The following ORMDL3 variants were observed in gnomAD, a reference collection of about 807,000 sequenced individuals.
ORMDL3 encodes ORMDL sphingolipid biosynthesis regulator 3.
Under a neutral mutation model 12.6 loss-of-function variants are expected in ORMDL3, and 6 were observed. The observed-to-expected ratio is 0.48, with a 90% CI of 0.26 to 0.94. The LOEUF (loss-of-function observed/expected upper bound fraction) is 0.94, where lower values mean the gene tolerates loss of function less well. ORMDL3 is among the 40% of genes least tolerant of loss of function. The pLI is 0.14. For missense variants in ORMDL3, 159 were observed against 205.5 expected, an observed-to-expected ratio of 0.77 and a Z score of 1.38; for synonymous variants, 99 against 87.2, an observed-to-expected ratio of 1.14 and a Z score of -0.75.
At chr17:39,923,786 C>T (rs1598286208) in intron 2 of ORMDL3, among the ~76,000 whole-genome samples, 1 of 152,126 alleles carries the variant, frequency 6.6e-6, no homozygotes, top group Non-Finnish European at 1.5e-5. Flanking sequence ...ACAGCCACCC[C>T]ACCCTAGAGA....
At position 39,922,549 on chromosome 17, in the gene ORMDL3, C is replaced by T; in HGVS notation, c.*1G>A. On this transcript the variant is annotated 3_prime_UTR_variant, in exon 4 of 4. Transcript: ENST00000304046. ...CCTGGGCAGGGGAAGGGGCTGCACTCTCAGTACTTATTGATTCCAAAAATC... is the reference window on the plus strand; with the variant it reads ...CCTGGGCAGGGGAAGGGGCTGCACTTTCAGTACTTATTGATTCCAAAAATC... 6.2e-7 allele frequency: 1 copy of T among 1,613,856 alleles called. No individual in the cohort carries two copies. The highest frequency in any genetic ancestry group is 8.5e-7 in the Non-Finnish European group (1 of 1,179,834).
chr17:39,924,275 C>G, intron 1 of ORMDL3, 50 bp from the exon 2 acceptor site: 1 of 1,501,506 alleles, frequency 6.7e-7, no homozygotes. Context: ...TTCCCTGCCC[C>G]CTCTCACCCT....
intron 1 of ORMDL3, chr17:39,926,956 A>G: frequency 1.0e-6 from 1 of 985,540 alleles, no homozygotes; most frequent in Non-Finnish European, 1.2e-6. Flanking sequence ...TAACCTCTCA[A>G]CTTTGGCCCA....
intron 1 of ORMDL3, chr17:39,927,116 G>T: frequency 1.5e-6 from 1 of 646,886 alleles, no homozygotes; most frequent in Non-Finnish European, 1.9e-6. Context: ...CCGGGGGGAG[G>T]GGTCCCGCTC....
At chr17:39,922,928 T>C (rs1468793908) in intron 3 of ORMDL3, among the ~76,000 whole-genome samples, 184 bp downstream of exon 3, 3 of 152,184 alleles carry the variant, frequency 2.0e-5, no homozygotes, top group African/African-American at 4.8e-5. Flanking sequence ...GAAGCTCCAA[T>C]GGAGGAAAGA....
intron 1 of ORMDL3, among the ~76,000 whole-genome samples, chr17:39,924,545 C>A (rs1431680178): frequency 6.6e-6 from 1 of 152,140 alleles, no homozygotes; most frequent in Non-Finnish European, 1.5e-5. Context: ...CCAGCCTCAC[C>A]CCCTATGGCA....
chr17:39,924,317 C>T (rs1978324109), intron 1 of ORMDL3, 92 bp from the exon 2 acceptor site: 1 of 1,229,334 alleles, frequency 8.1e-7, no homozygotes, highest in Non-Finnish European at 1.1e-6. Context: ...CCCTTGTTTC[C>T]CTGAGAACTC....
chr17:39,923,068 C>T, intron 3 of ORMDL3, 44 bp downstream of exon 3: 14 of 1,611,828 alleles, frequency 8.7e-6, no homozygotes, highest in Non-Finnish European at 1.1e-5. Flanking sequence ...GTCCTCCAGG[C>T]CTTGCCCTGC....
intron 3 of ORMDL3, 96 bp downstream of exon 3, chr17:39,923,016 C>T (rs1978308474): frequency 1.3e-6 from 2 of 1,498,952 alleles, no homozygotes; most frequent in African/African-American, 1.4e-5. Context: ...ATCCCTACAC[C>T]AGGAGCCACG....
chr17:39,924,823 G>A (rs1978334208), intron 1 of ORMDL3: 1 of 152,448 alleles, frequency 6.6e-6, no homozygotes, highest in Non-Finnish European at 1.5e-5. Context: ...GGTAGAAAGA[G>A]GGAAGTGGGG....
intron 1 of ORMDL3, 145 bp from the exon 2 acceptor site, chr17:39,924,370 G>T (rs774146220): frequency 6.5e-6 from 5 of 772,050 alleles, no homozygotes; most frequent in Non-Finnish European, 1.0e-5. Flanking sequence ...GGAAAGTGGA[G>T]AAAGTCCATG....
intron 1 of ORMDL3, chr17:39,926,815 A>G: frequency 2.0e-6 from 2 of 985,538 alleles, no homozygotes; most frequent in Non-Finnish European, 2.4e-6. Context: ...ACAACAGCAA[A>G]CCTCCTGTCT....
rs1978300516 is a variant in ORMDL3 at position 39,922,226 on chromosome 17, C to T, written c.*324G>A. 4.7e-6 allele frequency: 1 copy of T among 214,960 alleles called. No individual in the cohort carries two copies. The highest frequency in any genetic ancestry group is 2.3e-5 in the African/African-American group (1 of 43,492). 13.3% of individuals were successfully genotyped at this position (214,960 alleles called of 1,614,324 possible). The stretch of plus-strand genomic sequence containing the variant: ...AAGTGAGCAGGGGTTTTTCCCCTGG[C>T]CTCCTGTCGCAACTGCGTGGTCCAT... On this transcript the variant is annotated 3_prime_UTR_variant, in exon 4 of 4. Transcript: ENST00000304046.
chr17:39,927,483 C>G lies in ORMDL3; in HGVS notation c.-23+1G>C. 1 of 985,408 alleles carries G rather than the reference C, an allele frequency of 1.0e-6. No homozygotes were observed. The highest frequency in any genetic ancestry group is 1.2e-6 in the Non-Finnish European group (1 of 829,930). 61.0% of individuals were successfully genotyped at this position (985,408 alleles called of 1,614,324 possible). On this transcript the variant is annotated splice_donor_variant, in intron 1 of 3. Transcript: ENST00000304046. LOFTEE classifies it low-confidence loss of function (5UTR_SPLICE). ...GGCCTCTTGGTTCCTTCCGGGCTCACCGTGTGGGGCCGAAGATCAACGGCC... is the reference window on the plus strand; with the variant it reads ...GGCCTCTTGGTTCCTTCCGGGCTCAGCGTGTGGGGCCGAAGATCAACGGCC...
rs879866057 is a variant in ORMDL3, at chr17:39,924,145, C to T, written c.59G>A (p.Arg20His). The part of the protein sequence containing the change: ...VNPNTRVMNS[R>H]GIWLSYVLAI... ...CAGCACGTAGGAGAGCCAGATGCCA[C>T]GGCTGTTCATCACCCGCGTGTTGGG... The change falls in exon 2 of 4, where the codon CGT becomes CAT. Residue 20 changes from arginine to histidine, a missense_variant. Physicochemically the swap from Arg to His is conservative, Grantham distance 29. Transcript: ENST00000304046. 2.5e-6 allele frequency: 4 copies of T among 1,613,982 alleles called. No individual in the cohort carries two copies. The highest frequency in any genetic ancestry group is 2.2e-5 in the East Asian group (1 of 44,896).
rs1349548476 is a variant in ORMDL3, at chr17:39,923,225, G to C, written c.213C>G (p.Pro71=). 4.3e-6 allele frequency: 7 copies of C among 1,614,046 alleles called. No homozygotes were observed. In the African/African-American group the frequency reaches 8.0e-5, roughly 18 times the overall value. Residue 71 remains proline, a synonymous_variant, in exon 3 of 4, where the codon CCC becomes CCG. Coordinates refer to ENST00000304046, the MANE Select transcript of ORMDL3 (RefSeq NM_139280.4). Reference sequence around the variant, plus strand: ...CCTTGCCCTGGTCCGGGGTCTCAAAGGGTGTCCCCTTCACCGTGTGCAGGA... The same window carrying C: ...CCTTGCCCTGGTCCGGGGTCTCAAACGGTGTCCCCTTCACCGTGTGCAGGA... ...YIFLHTVKGT[P]FETPDQGKAR... is the part of the protein sequence containing the mutation.
chr17:39,926,392 C>G (rs886153993), intron 1 of ORMDL3: 1 of 152,268 alleles, frequency 6.6e-6, no homozygotes, highest in African/African-American at 2.4e-5. Context: ...TGAGGAAACA[C>G]TCTTGAGACT....
rs765427187 is a variant in ORMDL3 at position 39,924,179 on chromosome 17, C to T, written c.25G>A (p.Glu9Lys). ...ATCACCCGCGTGTTGGGGTTCACCT[C>T]GCTGTGCGCTGTGCCCACATTCATC... is the stretch of plus-strand genomic sequence containing the variant. MNVGTAHS[E>K]VNPNTRVMNS... The change falls in exon 2 of 4, where the codon GAG (glutamate) becomes AAG (lysine). Residue 9 changes from glutamate to lysine, a missense_variant. Coordinates refer to ENST00000304046, the MANE Select transcript of ORMDL3 (RefSeq NM_139280.4). 10 of 1,609,600 alleles carry T rather than the reference C, an allele frequency of 6.2e-6. No individual in the cohort carries two copies. Among genetic ancestry groups the T allele is most frequent in the Non-Finnish European group, 7.6e-6 (9 of 1,177,614 alleles).
At position 39,922,590 on chromosome 17, in the gene ORMDL3, T is replaced by C. The variant is rs747087378; in HGVS notation, c.422A>G (p.Gln141Arg). 6.2e-7 allele frequency: 1 copy of C among 1,614,070 alleles called. No homozygotes were observed. Among genetic ancestry groups the C allele is most frequent in the South Asian group, 1.1e-5 (1 of 91,084 alleles). ...LMSVLIPKLP[Q>R]LHGVRIFGIN... ...TCCAAAAATCCGGACTCCGTGGAGCTGGGGCAGCTTGGGGATAAGCACGCT... is the reference window on the plus strand; with the variant it reads ...TCCAAAAATCCGGACTCCGTGGAGCCGGGGCAGCTTGGGGATAAGCACGCT... The change falls in exon 4 of 4, where the codon CAG (glutamine) becomes CGG (arginine). Residue 141 changes from glutamine to arginine, a missense_variant. Gln to Arg is a conservative substitution (Grantham distance 43, BLOSUM62 1). Transcript: ENST00000304046.
Sources: gnomAD v4.1 joint callset for allele counts (sites outside exome capture counted in the v4.1 genomes callset) on GRCh38, gnomAD v4.1.1 for gene constraint, MANE v1.5 for transcripts, NCBI Gene and HGNC (gene_info 2026-07-23, HGNC 2026-07-21) for gene names.